The following CPNE3 variants were observed in gnomAD, a reference collection of about 807,000 sequenced individuals.
The protein encoded by CPNE3 is copine-3.
In CPNE3, 68 loss-of-function variants were observed where a neutral mutation model predicts 63.9. The observed-to-expected ratio is 1.06, with a 90% CI of 0.87 to 1.30. The LOEUF is 1.30. CPNE3 is among the 50% of genes most tolerant of loss of function. CPNE3 has a pLI of 0.00. For synonymous variants in CPNE3, 219 were observed against 197.5 expected (o/e 1.11, Z -0.91); for missense variants, 665 against 578.1 (o/e 1.15, Z -1.54).
At chr8:86,546,370 T>C (rs1196932680) in intron 9 of CPNE3, among the ~76,000 whole-genome samples, 1 of 152,116 alleles carries the variant, frequency 6.6e-6, no homozygotes, top group African/African-American at 2.4e-5. Flanking sequence ...GAGAAATATT[T>C]TGAAAGGTAT....
intron 6 of CPNE3, 77 bp from the exon 7 acceptor site, chr8:86,537,486 T>C: frequency 1.2e-6 from 1 of 864,022 alleles, no homozygotes; most frequent in Admixed American, 1.7e-5. Flanking sequence ...GTTGCCAACA[T>C]GTGTAAAGTA....
intron 8 of CPNE3, among the ~76,000 whole-genome samples, chr8:86,542,793 C>A (rs1277105024): frequency 6.6e-6 from 1 of 151,862 alleles, no homozygotes; most frequent in Non-Finnish European, 1.5e-5. Context: ...TTCAAGGGGA[C>A]AAGAGGGAGC....
intron 8 of CPNE3, among the ~76,000 whole-genome samples, chr8:86,541,342 C>CA (rs1175984622): frequency 1.3e-5 from 2 of 152,082 alleles, no homozygotes; most frequent in Non-Finnish European, 2.9e-5. Flanking sequence ...TCCAGAAAAG[C>CA]AAAAATTAAA....
chr8:86,559,132 A>T lies in CPNE3; in HGVS notation c.*722A>T, dbSNP rs1420097763. 6.6e-6 allele frequency: 1 copy of T among 152,196 alleles called. No homozygotes were observed. The highest frequency in any genetic ancestry group is 6.5e-5 in the Admixed American group (1 of 15,284). The allele number at this position is 152,196 out of a possible 1,614,324, so 9.4% of individuals were successfully genotyped here. On this transcript the variant is annotated 3_prime_UTR_variant, in exon 17 of 17. Coordinates refer to ENST00000517490, the MANE Select transcript of CPNE3 (RefSeq NM_003909.5). ...TTTTATTTTATTGTGGAAAACTGTAAACATGGTCAGATTTGGCTTTTTTTT... is the reference window on the plus strand; with the variant it reads ...TTTTATTTTATTGTGGAAAACTGTATACATGGTCAGATTTGGCTTTTTTTT...
intron 16 of CPNE3, among the ~76,000 whole-genome samples, chr8:86,556,564 C>A (rs1821330892): frequency 6.6e-6 from 1 of 152,238 alleles, no homozygotes; most frequent in Non-Finnish European, 1.5e-5. Context: ...TTGTGACTCT[C>A]TCAAGTATTT....
At chr8:86,551,350 T>A in intron 14 of CPNE3, 116 bp downstream of exon 14, 1 of 734,110 alleles carries the variant, frequency 1.4e-6, no homozygotes, top group Non-Finnish European at 2.3e-6. Flanking sequence ...ATTTCATCTC[T>A]AGGTTTCATT....
In CPNE3 at chr8:86,520,532, C is replaced by T. The variant is rs138989080; in HGVS notation, c.-11+5033C>T. The stretch of plus-strand genomic sequence containing the variant: ...GATCTCCATTGCACTCCAGCATGGG[C>T]GACAAGAGTGAAAGTCCATCTCAAA... On this transcript the variant is annotated intron_variant, in intron 2 of 16. Transcript: ENST00000517490. Among the ~76,000 whole-genome samples, 16 of 147,876 alleles carry T rather than the reference C, an allele frequency of 1.1e-4. No homozygotes were observed. In the East Asian group the frequency reaches 1.8e-3, roughly 17 times the overall value.
chr8:86,554,994 C>G lies in CPNE3; in HGVS notation c.1254+10C>G, dbSNP rs890505836. Reference sequence around the variant, plus strand: ...ACAGCAGACAGCTTCTGTAAGTGCTCTATGGCCAGGGAATGGGAAGAATGT... The same window carrying G: ...ACAGCAGACAGCTTCTGTAAGTGCTGTATGGCCAGGGAATGGGAAGAATGT... On this transcript the variant is annotated intron_variant, in intron 15 of 16. Coordinates refer to ENST00000517490, the MANE Select transcript of CPNE3 (RefSeq NM_003909.5). 2 of 1,613,788 alleles carry G rather than the reference C, an allele frequency of 1.2e-6. No individual in the cohort carries two copies. The highest frequency in any genetic ancestry group is 1.7e-6 in the Non-Finnish European group (2 of 1,179,962).
At chr8:86,535,056 G>A (rs1336766743) in intron 6 of CPNE3, among the ~76,000 whole-genome samples, 1 of 144,842 alleles carries the variant, frequency 6.9e-6, no homozygotes, top group Non-Finnish European at 1.6e-5. Flanking sequence ...CACAACTCCA[G>A]GAGTCTTTGG....
In CPNE3 at chr8:86,519,016, C is replaced by T. The variant is rs181017719; in HGVS notation, c.-11+3517C>T. Among the ~76,000 whole-genome samples, 268 of 152,304 alleles carry T rather than the reference C, an allele frequency of 1.8e-3. 1 individual carries two copies. The highest frequency in any genetic ancestry group is 6.1e-3 in the African/African-American group (252 of 41,558). On this transcript the variant is annotated intron_variant, in intron 2 of 16. Transcript: ENST00000517490. ...AGCTCCAGCCATCTGCCTGCCTCAG[C>T]CTCCCAAAGTACTGGGATTATAAGC... is the stretch of plus-strand genomic sequence containing the variant.
rs2131506694 is a variant in CPNE3, at chr8:86,556,305, T to C, written c.1458T>C (p.Ile486=). Reference sequence around the variant, plus strand: ...TGGGCGAAGTGGCCATCAGAGATATTGTCCAGTTTGTGCCTTTCAGACAGT... The same window carrying C: ...TGGGCGAAGTGGCCATCAGAGATATCGTCCAGTTTGTGCCTTTCAGACAGT... ...SPLGEVAIRD[I]VQFVPFRQFQ... Residue 486 remains isoleucine (I), a synonymous_variant, in exon 16 of 17, where the codon ATT becomes ATC. Transcript: ENST00000517490. The C allele has an allele frequency of 2.3e-6, 2 of 873,022 alleles. No individual in the cohort carries two copies. Among genetic ancestry groups the C allele is most frequent in the East Asian group, 4.8e-5 (2 of 41,710 alleles). 54.1% of individuals were successfully genotyped at this position (873,022 alleles called of 1,614,324 possible).
chr8:86,551,276 T>TAGTGAGCCTTTC, intron 14 of CPNE3, 42 bp downstream of exon 14: 1 of 1,292,198 alleles, frequency 7.7e-7, no homozygotes, highest in Non-Finnish European at 1.1e-6. Context: ...ATGGAAAGGC[T>TAGTGAGCCTTTC]CACTAGTCTT....
At chr8:86,524,205 G>A (rs1586828586) in intron 2 of CPNE3, among the ~76,000 whole-genome samples, 1 of 152,254 alleles carries the variant, frequency 6.6e-6, no homozygotes, top group African/African-American at 2.4e-5. Flanking sequence ...ATCTTTACTG[G>A]ATAAATCTAA....
At chr8:86,527,162 G>C (rs555657069) in intron 2 of CPNE3, among the ~76,000 whole-genome samples, 1 of 152,186 alleles carries the variant, frequency 6.6e-6, no homozygotes, top group East Asian at 1.9e-4. Flanking sequence ...GAGGGCAAAG[G>C]GCATTAAATA....
At position 86,546,675 on chromosome 8, in the gene CPNE3, G is replaced by C; in HGVS notation, c.813G>C (p.Gln271His). Residue 271 changes from glutamine to histidine, a missense_variant, in exon 10 of 17, where the codon CAG becomes CAC. Gln to His is a conservative substitution (Grantham distance 24). Coordinates refer to ENST00000517490, the MANE Select transcript of CPNE3 (RefSeq NM_003909.5). ...ATTCAGGTGTTATCAGTGTGAAACA[G>C]TGTGAGGTCCGTTGGCCTTGGCTAC... ...YKNSGVISVK[Q>H]CEITVECTFL... 1 of 1,604,150 alleles carries C rather than the reference G, an allele frequency of 6.2e-7. No individual in the cohort carries two copies.
chr8:86,531,168 A>G lies in CPNE3; in HGVS notation c.326A>G (p.Lys109Arg). The part of the protein sequence containing the change: ...ECTLGQIVSS[K>R]KLTRPLVMKT... ...TAATTCTAACAGATTGTTTCCAGCA[A>G]GAAGCTAACTCGACCACTGGTGATG... Residue 109 changes from lysine to arginine, a missense_variant, in exon 5 of 17, where the codon AAG becomes AGG. Transcript: ENST00000517490. 1.6e-6 allele frequency: 2 copies of G among 1,242,306 alleles called. No homozygotes were observed. Among genetic ancestry groups the G allele is most frequent in the Non-Finnish European group, 2.4e-6 (2 of 840,188 alleles). The allele number at this position is 1,242,306 out of a possible 1,614,324, so 77.0% of individuals were successfully genotyped here. A position where few individuals can be genotyped will look rare whatever the true frequency, so the allele number is the denominator to read the frequency against.
chr8:86,546,733 C>CT (rs1462371537), intron 10 of CPNE3, 52 bp downstream of exon 10: 1 of 1,553,516 alleles, frequency 6.4e-7, no homozygotes, highest in East Asian at 2.3e-5. Flanking sequence ...TCTTTTTGAG[C>CT]TGGAGCCTCG....
chr8:86,547,102 G>GA (rs1300491418), intron 10 of CPNE3, among the ~76,000 whole-genome samples: 2 of 152,260 alleles, frequency 1.3e-5, no homozygotes, highest in Non-Finnish European at 2.9e-5. Context: ...TCAGGCAGTT[G>GA]AAAATCACAT....
chr8:86,549,949 A>C (rs1461904047), intron 12 of CPNE3, among the ~76,000 whole-genome samples: 1 of 152,230 alleles, frequency 6.6e-6, no homozygotes, highest in Non-Finnish European at 1.5e-5. Context: ...TCTCTAGCTC[A>C]GGTGTTCTAT....
Sources: allele counts gnomAD v4.1 joint callset (sites outside exome capture counted in the v4.1 genomes callset), GRCh38; gene constraint gnomAD v4.1.1; transcripts MANE v1.5; gene names NCBI Gene and HGNC (gene_info 2026-07-23, HGNC 2026-07-21).